The following SLC17A3 variants were observed in gnomAD, a reference collection of about 807,000 sequenced individuals.
The protein encoded by SLC17A3 is solute carrier family 17 member 3.
SLC17A3 carries 61 observed loss-of-function variants against 60.3 expected under a neutral mutation model. The observed-to-expected ratio is 1.01, with a 90% CI of 0.82 to 1.25. SLC17A3 has a LOEUF of 1.25. SLC17A3 is among the 50% of genes most tolerant of loss of function. The pLI, the probability that SLC17A3 is intolerant of heterozygous loss-of-function variation, is 0.00. For missense variants in SLC17A3, 624 were observed against 594.9 expected, an observed-to-expected ratio of 1.05 and a Z score of -0.51; for synonymous variants, 192 against 208.9, an observed-to-expected ratio of 0.92 and a Z score of 0.70.
intron 2 of SLC17A3, 148 bp from the exon 3 acceptor site, chr6:25,862,592 A>G (rs1246320929): frequency 6.8e-6 from 5 of 738,906 alleles, no homozygotes; most frequent in Non-Finnish European, 1.2e-5. Flanking sequence ...AAAGGAAGAT[A>G]CAAAAGGAGA....
chr6:25,854,135 T>C (rs1198983045), intron 6 of SLC17A3, among the ~76,000 whole-genome samples: 3 of 152,242 alleles, frequency 2.0e-5, no homozygotes, highest in African/African-American at 7.2e-5. Context: ...TTGTCTATCC[T>C]GGTGAATGTT....
At position 25,850,082 on chromosome 6, in the gene SLC17A3, T is replaced by A. The variant is rs1398154174; in HGVS notation, c.1089A>T (p.Arg363Ser). Residue 363 changes from arginine (R) to serine (S), a missense_variant, in exon 9 of 13, where the codon AGA becomes AGT. By Grantham distance (110) the Arg-to-Ser change is moderately radical. Transcript: ENST00000397060. ...LADFLLTKKF[R>S]LITVRKIATI... ...TGGCAATTTTCCTCACAGTGATGAG[T>A]CTAAACTTTTTGGTTAGAAGGAAAT... 1.2e-6 allele frequency: 2 copies of A among 1,613,832 alleles called. No homozygotes were observed. Among genetic ancestry groups the A allele is most frequent in the Non-Finnish European group, 1.7e-6 (2 of 1,179,878 alleles).
intron 2 of SLC17A3, among the ~76,000 whole-genome samples, chr6:25,862,809 T>C (rs1421104894): frequency 6.6e-6 from 1 of 151,784 alleles, no homozygotes; most frequent in Non-Finnish European, 1.5e-5. Context: ...AATATATACA[T>C]ATGAATATGT....
intron 6 of SLC17A3, 66 bp from the exon 7 acceptor site, chr6:25,850,943 T>C (rs1033266848): frequency 1.8e-6 from 2 of 1,131,558 alleles, no homozygotes; most frequent in Non-Finnish European, 2.7e-6. Flanking sequence ...TTCTTTTATG[T>C]TGGGATATTT....
At position 25,850,874 on chromosome 6, in the gene SLC17A3, C is replaced by A. The variant is rs34902660; in HGVS notation, c.716G>T (p.Gly239Val). ...GAGAAGGCAGCAGACACAGCCAACACCTCCTGTAAGCACAGGGTAAATTTG... is the reference window on the plus strand; with the variant it reads ...GAGAAGGCAGCAGACACAGCCAACAACTCCTGTAAGCACAGGGTAAATTTG... The part of the protein sequence containing the change: ...GWPFVFYIFG[G>V]VGCVCCLLWF... The change falls in exon 7 of 13, where the codon GGT becomes GTT. Residue 239 changes from glycine (G) to valine (V), a missense_variant. Transcript: ENST00000397060. 2.4e-3 allele frequency: 3,845 copies of A among 1,613,506 alleles called. 65 individuals carry two copies. In the East Asian group the frequency reaches 0.033, roughly 14 times the overall value.
Position 25,849,469 on chromosome 6 carries a change from G to A in SLC17A3, c.1272-5C>T. ...CCCATGAGAAAACTGGAATACCTGT[G>A]GGTGACAGGAATGTTCCGGTCTAGA... On this transcript the variant is annotated splice_polypyrimidine_tract_variant and splice_region_variant and intron_variant, in intron 10 of 12. Coordinates refer to ENST00000397060, the MANE Select transcript of SLC17A3 (RefSeq NM_001098486.2). The A allele has an allele frequency of 6.3e-7, 1 of 1,585,448 alleles. No individual in the cohort carries two copies. Among genetic ancestry groups the A allele is most frequent in the Non-Finnish European group, 8.7e-7 (1 of 1,154,024 alleles).
At chr6:25,868,586 C>T (rs369274302) in intron 1 of SLC17A3, 166 bp from the exon 2 acceptor site, 20 of 580,394 alleles carry the variant, frequency 3.4e-5, no homozygotes, top group East Asian at 1.2e-4. Flanking sequence ...GCATACTGCA[C>T]GTAAGGTTTG....
intron 5 of SLC17A3, among the ~76,000 whole-genome samples, chr6:25,860,366 G>T (rs1765427062): frequency 6.6e-6 from 1 of 152,094 alleles, no homozygotes; most frequent in South Asian, 2.1e-4. Context: ...GGTGCCTTCT[G>T]GGGTAGTCCT....
chr6:25,864,607 T>A (rs886792667), intron 2 of SLC17A3, among the ~76,000 whole-genome samples: 2 of 147,288 alleles, frequency 1.4e-5, no homozygotes, highest in Non-Finnish European at 3.0e-5. Context: ...AATGAAGTTC[T>A]GCTTTCCTAG....
intron 1 of SLC17A3, among the ~76,000 whole-genome samples, chr6:25,872,054 C>T (rs1288691530): frequency 6.6e-6 from 1 of 151,948 alleles, no homozygotes; most frequent in Admixed American, 6.6e-5. Context: ...AGAAATTTTT[C>T]AAGCTAGTTG....
intron 11 of SLC17A3, among the ~76,000 whole-genome samples, chr6:25,846,525 G>T (rs931410768): frequency 1.1e-4 from 17 of 152,176 alleles, no homozygotes; most frequent in Non-Finnish European, 2.1e-4. Context: ...TATGAAAACA[G>T]AAGTCAAGGT....
intron 5 of SLC17A3, among the ~76,000 whole-genome samples, chr6:25,856,990 C>G (rs2151522364): frequency 6.6e-6 from 1 of 152,122 alleles, no homozygotes; most frequent in East Asian, 1.9e-4. Context: ...TCAAGTCCAG[C>G]CTGGGCAATG....
intron 10 of SLC17A3, 132 bp from the exon 11 acceptor site, chr6:25,849,596 C>G: frequency 1.4e-6 from 1 of 736,072 alleles, no homozygotes; most frequent in Non-Finnish European, 2.4e-6. Flanking sequence ...ACAATTATAT[C>G]AAAAAGGACT....
chr6:25,869,709 C>G (rs1328040610), intron 1 of SLC17A3, among the ~76,000 whole-genome samples: 2 of 151,922 alleles, frequency 1.3e-5, no homozygotes, highest in Non-Finnish European at 2.9e-5. Flanking sequence ...CATAAGACTT[C>G]TTCACTACCA....
chr6:25,870,816 G>A (rs579996), intron 1 of SLC17A3, among the ~76,000 whole-genome samples: 11,693 of 152,050 alleles, frequency 0.077, 909 homozygotes, highest in African/African-American at 0.2. Context: ...GTAACAGGTA[G>A]TTGTGTTTGT....
intron 5 of SLC17A3, among the ~76,000 whole-genome samples, chr6:25,860,876 C>G (rs531273343): frequency 3.4e-4 from 52 of 152,082 alleles, no homozygotes; most frequent in Non-Finnish European, 2.9e-5. Flanking sequence ...AGTGAATTTT[C>G]TGATTCCCAG....
In SLC17A3 at chr6:25,849,848, A is replaced by T. The variant is rs1342506707; in HGVS notation, c.1228T>A (p.Cys410Ser). 4 of 1,614,006 alleles carry T rather than the reference A, an allele frequency of 2.5e-6. No individual in the cohort carries two copies. Among genetic ancestry groups the T allele is most frequent in the African/African-American group, 1.3e-5 (1 of 75,050 alleles). ...LTLSCGLSTL[C>S]QSGIYINVLD... ...ACATTGATATAAATCCCTGACTGAC[A>T]CAATGTGCTTAATCCGCAAGAGAGC... is the stretch of plus-strand genomic sequence containing the variant. The change falls in exon 10 of 13, where the codon TGT becomes AGT. Residue 410 changes from cysteine (C) to serine (S), a missense_variant. Coordinates refer to ENST00000397060, the MANE Select transcript of SLC17A3 (RefSeq NM_001098486.2).
chr6:25,860,604 C>G (rs62394294), intron 5 of SLC17A3, among the ~76,000 whole-genome samples: 12,227 of 152,130 alleles, frequency 0.08, 635 homozygotes, highest in South Asian at 0.12. Flanking sequence ...GGATCACCTG[C>G]CTGGAGCCTC....
chr6:25,859,829 T>C (rs977547459), intron 5 of SLC17A3, among the ~76,000 whole-genome samples: 7 of 152,108 alleles, frequency 4.6e-5, no homozygotes, highest in African/African-American at 1.7e-4. Flanking sequence ...TACCTGCTTG[T>C]ACTCTATCTC....
Sources: allele counts gnomAD v4.1 joint callset (sites outside exome capture counted in the v4.1 genomes callset), GRCh38; gene constraint gnomAD v4.1.1; transcripts MANE v1.5; gene names NCBI Gene and HGNC (gene_info 2026-07-23, HGNC 2026-07-21).